Variants in KIF3B observed in about 807,000 individuals in gnomAD.
The protein encoded by KIF3B is kinesin-like protein KIF3B.
A neutral mutation model predicts 74.3 loss-of-function variants in KIF3B; 38 were observed. That is an observed-to-expected ratio of 0.51 (90% CI 0.39 to 0.67). The LOEUF is 0.67. Ranked by LOEUF, KIF3B falls within the 30% of genes least tolerant of loss-of-function variation. The pLI is 0.00. For synonymous variants in KIF3B, 326 were observed against 342.5 expected (o/e 0.95, Z 0.53); for missense variants, 649 against 932.0 (o/e 0.70, Z 3.95).
intron 1 of KIF3B, among the ~76,000 whole-genome samples, chr20:32,289,988 C>T (rs1169716667): frequency 1.3e-5 from 2 of 152,132 alleles, no homozygotes; most frequent in Non-Finnish European, 2.9e-5. Context: ...CGCTTGCTGC[C>T]TGTCTTCTTC....
At chr20:32,293,322 G>T (rs1260721809) in intron 1 of KIF3B, among the ~76,000 whole-genome samples, 2 of 151,992 alleles carry the variant, frequency 1.3e-5, no homozygotes, top group Non-Finnish European at 2.9e-5. Flanking sequence ...AAGCAGCTAA[G>T]CATGGTGTCT....
chr20:32,310,098 A>G lies in KIF3B; in HGVS notation c.321A>G (p.Glu107=), dbSNP rs2047792070. The part of the protein sequence containing the change: ...QTGTGKTYTM[E]GIRGDPEKRG... ...GGACAGGAAAAACCTACACCATGGAAGGAATCCGTGGTGACCCTGAAAAAA... is the reference window on the plus strand; with the variant it reads ...GGACAGGAAAAACCTACACCATGGAGGGAATCCGTGGTGACCCTGAAAAAA... Residue 107 remains glutamate (E), a synonymous_variant, in exon 2 of 9, where the codon GAA becomes GAG. Transcript: ENST00000375712. The surrounding 1 kb of genome is among the most constrained non-coding windows in gnomAD (Gnocchi z 6.5). 3.1e-6 allele frequency: 5 copies of G among 1,614,108 alleles called. No individual in the cohort carries two copies. The highest frequency in any genetic ancestry group is 4.2e-6 in the Non-Finnish European group (5 of 1,180,042).
intron 1 of KIF3B, among the ~76,000 whole-genome samples, chr20:32,288,667 T>C (rs2047678105): frequency 1.3e-5 from 2 of 152,184 alleles, no homozygotes; most frequent in South Asian, 4.1e-4. Context: ...CCCTTCGTTC[T>C]CTGAATAGGC....
chr20:32,302,236 G>C (rs1204191137), intron 1 of KIF3B, among the ~76,000 whole-genome samples: 1 of 152,218 alleles, frequency 6.6e-6, no homozygotes, highest in Non-Finnish European at 1.5e-5. Context: ...TTGGTGGCAG[G>C]AAATTAACTT....
chr20:32,281,278 C>T (rs2047641732), intron 1 of KIF3B, among the ~76,000 whole-genome samples: 1 of 152,162 alleles, frequency 6.6e-6, no homozygotes, highest in Non-Finnish European at 1.5e-5. Flanking sequence ...AGCCATGATG[C>T]TATTGAGTGG....
At chr20:32,312,446 A>G (rs1013567209) in intron 2 of KIF3B, among the ~76,000 whole-genome samples, 2 of 151,862 alleles carry the variant, frequency 1.3e-5, no homozygotes, top group Non-Finnish European at 2.9e-5. Context: ...TCCCTCCCCA[A>G]CAGATAACCA....
chr20:32,280,638 C>T (rs561119509), intron 1 of KIF3B, among the ~76,000 whole-genome samples: 5 of 139,036 alleles, frequency 3.6e-5, no homozygotes, highest in East Asian at 4.4e-4. Flanking sequence ...TGGCGTGAAC[C>T]GGGGAGGTGG....
intron 1 of KIF3B, among the ~76,000 whole-genome samples, chr20:32,280,856 C>T (rs1216141219): frequency 1.3e-5 from 2 of 152,070 alleles, no homozygotes; most frequent in African/African-American, 2.4e-5. Context: ...GAGGTCAATC[C>T]CATCTCCATA....
At chr20:32,323,030 TTATATATTTATATTTA>T (rs1569208408) in intron 5 of KIF3B, among the ~76,000 whole-genome samples, 7 of 44,014 alleles carry the variant, frequency 1.6e-4, no homozygotes, top group African/African-American at 2.3e-4. Context: ...ATTTATATAT[TTATATATTTATATTTA>T]TATATATTTA....
At chr20:32,316,708 T>C (rs766727312) in intron 4 of KIF3B, 48 bp from the exon 5 acceptor site, 2 of 1,613,076 alleles carry the variant, frequency 1.2e-6, no homozygotes, top group South Asian at 2.2e-5. Flanking sequence ...GGGAGAACTC[T>C]ACCCTTTGGA....
chr20:32,329,224 G>A (rs1293201033), intron 7 of KIF3B, among the ~76,000 whole-genome samples: 1 of 152,150 alleles, frequency 6.6e-6, no homozygotes, highest in Non-Finnish European at 1.5e-5. Flanking sequence ...TGTATATTTA[G>A]TAGAGACGGG....
chr20:32,324,743 T>C (rs1600438773), intron 5 of KIF3B, among the ~76,000 whole-genome samples: 1 of 152,144 alleles, frequency 6.6e-6, no homozygotes, highest in East Asian at 1.9e-4. Flanking sequence ...TAAAATTAAA[T>C]GTAGGCAAGG....
At chr20:32,318,442 C>A (rs1381230809) in intron 5 of KIF3B, among the ~76,000 whole-genome samples, 1 of 152,062 alleles carries the variant, frequency 6.6e-6, no homozygotes, top group Non-Finnish European at 1.5e-5. Context: ...GAAACTCTAC[C>A]AGTTAGTAGT....
chr20:32,331,156 A>G, intron 8 of KIF3B, 67 bp from the exon 9 acceptor site: 1 of 1,168,948 alleles, frequency 8.6e-7, no homozygotes, highest in South Asian at 1.3e-5. Flanking sequence ...TGAAATGTTA[A>G]TGACATCTGA....
At position 32,331,572 on chromosome 20, in the gene KIF3B, T is replaced by G. The variant is rs924913665; in HGVS notation, c.*253T>G. On this transcript the variant is annotated 3_prime_UTR_variant, in exon 9 of 9. Transcript: ENST00000375712. ...GTAAGGTAAAGTGCGATAGTTCAAG[T>G]GGAAAGCAAGAGAATGACCAGTGAC... The G allele has an allele frequency of 1.9e-5, 9 of 486,376 alleles. No individual in the cohort carries two copies. The Admixed American group carries it at 3.0e-4, about 16-fold the overall frequency. The allele number at this position is 486,376 out of a possible 1,614,324, so 30.1% of individuals were successfully genotyped here.
At chr20:32,279,319 T>C (rs1254482912) in intron 1 of KIF3B, among the ~76,000 whole-genome samples, 2 of 152,226 alleles carry the variant, frequency 1.3e-5, no homozygotes, top group African/African-American at 2.4e-5. Context: ...CCTCTGATTT[T>C]GCAACAGTTG....
In KIF3B at chr20:32,330,246, C is replaced by T. The variant is rs1372916274; in HGVS notation, c.2074C>T (p.Leu692=). The stretch of plus-strand genomic sequence containing the variant: ...GGTCCAGGCTGCATTGGATGCGGCT[C>T]TGCAGGATGAAGATGAGATACAGGT... ...PKVQAALDAA[L]QDEDEIQVDA... The change falls in exon 8 of 9, where the codon CTG becomes TTG. Residue 692 remains leucine, a synonymous_variant. Transcript: ENST00000375712. 6.2e-7 allele frequency: 1 copy of T among 1,614,058 alleles called. No individual in the cohort carries two copies. The highest frequency in any genetic ancestry group is 8.5e-7 in the Non-Finnish European group (1 of 1,180,004).
At chr20:32,287,870 A>G (rs899306808) in intron 1 of KIF3B, among the ~76,000 whole-genome samples, 2 of 89,168 alleles carry the variant, frequency 2.2e-5, no homozygotes, top group Non-Finnish European at 4.2e-5. Context: ...CTCTAAAAGT[A>G]TCTTTTTTTT....
At chr20:32,301,754 G>A (rs1285415455) in intron 1 of KIF3B, among the ~76,000 whole-genome samples, 1 of 152,086 alleles carries the variant, frequency 6.6e-6, no homozygotes, top group East Asian at 1.9e-4. Flanking sequence ...TCTCTCTTAC[G>A]CTTTCCATAG....
Sources: allele counts gnomAD v4.1 joint callset (sites outside exome capture counted in the v4.1 genomes callset), GRCh38; gene constraint gnomAD v4.1.1; non-coding constraint Gnocchi (gnomAD v3.1); transcripts MANE v1.5; gene names NCBI Gene and HGNC (gene_info 2026-07-23, HGNC 2026-07-21).